The following TNFSF4 variants were observed in gnomAD, a reference collection of about 807,000 sequenced individuals.
The protein encoded by TNFSF4 is tumor necrosis factor ligand superfamily member 4.
TNFSF4 carries 4 observed loss-of-function variants against 7.3 expected under a neutral mutation model. The ratio of observed to expected loss-of-function variants is 0.55; its 90% CI spans 0.27 to 1.25. The LOEUF is 1.25. Ranked by LOEUF, TNFSF4 falls within the 50% of genes most tolerant of loss-of-function variation. The pLI is 0.12. For synonymous variants in TNFSF4, 76 were observed against 83.7 expected, an observed-to-expected ratio of 0.91 and a Z score of 0.50; for missense variants, 181 against 208.8, an observed-to-expected ratio of 0.87 and a Z score of 0.82.
At chr1:173,204,462 T>C (rs149179221) in intron 1 of TNFSF4, among the ~76,000 whole-genome samples, 2 of 152,230 alleles carry the variant, frequency 1.3e-5, no homozygotes, top group African/African-American at 4.8e-5. Flanking sequence ...TAAACTTGAT[T>C]GAAAGGAAAG....
chr1:173,328,708 C>G, the TNFSF4 span, among the ~76,000 whole-genome samples: 7 of 151,818 alleles, frequency 4.6e-5, no homozygotes, highest in African/African-American at 1.5e-4. Flanking sequence ...ATAAATAAAA[C>G]TGCTAGACGA....
the TNFSF4 span, among the ~76,000 whole-genome samples, chr1:173,320,555 A>T: frequency 1.3e-5 from 2 of 152,202 alleles, no homozygotes. Context: ...TTTGCAGATG[A>T]CATGATGGTA....
chr1:173,341,881 C>T, the TNFSF4 span, among the ~76,000 whole-genome samples: 1 of 152,168 alleles, frequency 6.6e-6, no homozygotes, highest in Non-Finnish European at 1.5e-5. Flanking sequence ...GACCCCAAGT[C>T]CAGCATCCTG....
At chr1:173,386,788 A>T in the TNFSF4 span, among the ~76,000 whole-genome samples, 1 of 152,174 alleles carries the variant, frequency 6.6e-6, no homozygotes, top group Non-Finnish European at 1.5e-5. Context: ...CCCAATCCCC[A>T]CCCCAGTGTG....
chr1:173,336,953 G>A, the TNFSF4 span, among the ~76,000 whole-genome samples: 1 of 151,982 alleles, frequency 6.6e-6, no homozygotes, highest in Non-Finnish European at 1.5e-5. Flanking sequence ...ATTGAGGTGT[G>A]TTACTTCCAC....
chr1:173,396,265 T>C, the TNFSF4 span, among the ~76,000 whole-genome samples: 1 of 152,166 alleles, frequency 6.6e-6, no homozygotes, highest in Non-Finnish European at 1.5e-5. Flanking sequence ...ATCCCAGCAC[T>C]CTGGGAGGCC....
the TNFSF4 span, among the ~76,000 whole-genome samples, chr1:173,439,546 G>A: frequency 6.6e-6 from 1 of 152,166 alleles, no homozygotes; most frequent in South Asian, 2.1e-4. Context: ...GCCCTGAGTG[G>A]CAGCCTGTGG....
At chr1:173,416,726 T>C in the TNFSF4 span, among the ~76,000 whole-genome samples, 2 of 151,676 alleles carry the variant, frequency 1.3e-5, no homozygotes, top group African/African-American at 4.8e-5. Flanking sequence ...CCTCCTGAAT[T>C]GCTGGGACCA....
At chr1:173,355,271 C>A in the TNFSF4 span, among the ~76,000 whole-genome samples, 1 of 152,196 alleles carries the variant, frequency 6.6e-6, no homozygotes, top group Non-Finnish European at 1.5e-5. Context: ...ATCCGAAGGA[C>A]TCTAATTTAA....
chr1:173,325,131 A>T, the TNFSF4 span, among the ~76,000 whole-genome samples: 1 of 152,226 alleles, frequency 6.6e-6, no homozygotes, highest in East Asian at 1.9e-4. Flanking sequence ...TCTCCTCAGC[A>T]AATGTAAAAG....
the TNFSF4 span, among the ~76,000 whole-genome samples, chr1:173,308,289 G>C: frequency 0.087 from 6,490 of 74,948 alleles, 208 homozygotes; most frequent in African/African-American, 0.18. Context: ...CTCTCTCTGT[G>C]TGTGTGTGTG....
At chr1:173,270,957 A>G in the TNFSF4 span, among the ~76,000 whole-genome samples, 1 of 152,154 alleles carries the variant, frequency 6.6e-6, no homozygotes, top group African/African-American at 2.4e-5. Context: ...AAAATGGAAT[A>G]AAAATATAAA....
chr1:173,225,563 A>G, the TNFSF4 span, among the ~76,000 whole-genome samples: 1 of 152,232 alleles, frequency 6.6e-6, no homozygotes, highest in African/African-American at 2.4e-5. Flanking sequence ...CTTGACCAAC[A>G]CTATTTTCAG....
At chr1:173,254,383 G>C in the TNFSF4 span, among the ~76,000 whole-genome samples, 3 of 152,114 alleles carry the variant, frequency 2.0e-5, no homozygotes, top group African/African-American at 7.2e-5. Flanking sequence ...TTAATATCAG[G>C]CTGCTTCAGT....
At chr1:173,285,461 T>C in the TNFSF4 span, among the ~76,000 whole-genome samples, 4 of 152,146 alleles carry the variant, frequency 2.6e-5, no homozygotes, top group African/African-American at 9.7e-5. Context: ...TTTGAGAGGA[T>C]TGATTCCAAT....
the TNFSF4 span, among the ~76,000 whole-genome samples, chr1:173,268,857 C>T: frequency 1.3e-5 from 2 of 152,006 alleles, no homozygotes; most frequent in African/African-American, 4.8e-5. Context: ...TAGACCCAGA[C>T]ATAATGACAT....
the TNFSF4 span, among the ~76,000 whole-genome samples, chr1:173,430,112 A>G: frequency 4.1e-4 from 62 of 152,330 alleles, no homozygotes; most frequent in African/African-American, 1.4e-3. Flanking sequence ...CGCTAAAAAA[A>G]GGCCTGCCAG....
the TNFSF4 span, among the ~76,000 whole-genome samples, chr1:173,450,287 G>T: frequency 1.3e-5 from 2 of 152,194 alleles, no homozygotes; most frequent in African/African-American, 4.8e-5. Flanking sequence ...AATTGAATTT[G>T]TAGTTTAAAC....
chr1:173,402,017 G>C, the TNFSF4 span, among the ~76,000 whole-genome samples: 1 of 152,172 alleles, frequency 6.6e-6, no homozygotes, highest in African/African-American at 2.4e-5. Flanking sequence ...CACTTGTGTT[G>C]TTAATATGTC....
Sources: allele counts gnomAD v4.1 joint callset (sites outside exome capture counted in the v4.1 genomes callset), GRCh38; gene constraint gnomAD v4.1.1; transcripts MANE v1.5; gene names NCBI Gene and HGNC (gene_info 2026-07-23, HGNC 2026-07-21).